Variants in KCNH7 observed in about 807,000 individuals in gnomAD.
The protein encoded by KCNH7 is voltage-gated inwardly rectifying potassium channel KCNH7.
In KCNH7, 49 loss-of-function variants were observed where a neutral mutation model predicts 120.8. The ratio of observed to expected loss-of-function variants is 0.41; its 90% CI spans 0.32 to 0.51. KCNH7 has a LOEUF of 0.51. Among genes scored for constraint, KCNH7 ranks in the 20% least tolerant of loss-of-function variants. KCNH7 has a pLI of 0.38. For synonymous variants in KCNH7, 547 were observed against 516.1 expected, an observed-to-expected ratio of 1.06 and a Z score of -0.81; for missense variants, 1,097 against 1,446.6, an observed-to-expected ratio of 0.76 and a Z score of 3.92.
intron 2 of KCNH7, among the ~76,000 whole-genome samples, chr2:162,632,491 A>G (rs892029268): frequency 6.6e-6 from 1 of 151,944 alleles, no homozygotes; most frequent in African/African-American, 2.4e-5. Context: ...TCAACATTAT[A>G]TTTATAGAAC....
At chr2:162,620,659 A>C in intron 2 of KCNH7, among the ~76,000 whole-genome samples, 1 of 152,058 alleles carries the variant, frequency 6.6e-6, no homozygotes, top group East Asian at 1.9e-4. Flanking sequence ...AATTCTGCCA[A>C]TTATCTTTTT....
intron 6 of KCNH7, among the ~76,000 whole-genome samples, chr2:162,470,322 C>T (rs992262596): frequency 2.0e-5 from 3 of 151,688 alleles, no homozygotes; most frequent in Non-Finnish European, 2.9e-5. Context: ...CCCTAGTGCC[C>T]TGTCTGGGAT....
chr2:162,750,993 C>T (rs1342162324), intron 2 of KCNH7, among the ~76,000 whole-genome samples: 1 of 151,940 alleles, frequency 6.6e-6, no homozygotes, highest in Non-Finnish European at 1.5e-5. Flanking sequence ...GACTAGTTCC[C>T]TTATATTCAA....
At position 162,560,211 on chromosome 2, in the gene KCNH7, G is replaced by C. The variant is rs531949688; in HGVS notation, c.308-23131C>G. 4.6e-5 allele frequency among the ~76,000 whole-genome samples: 7 copies of C among 152,294 alleles called. No homozygotes were observed. The South Asian group carries it at 1.5e-3, about 32-fold the overall frequency. On this transcript the variant is annotated intron_variant, in intron 2 of 15. Coordinates refer to ENST00000332142, the MANE Select transcript of KCNH7 (RefSeq NM_033272.4). ...CAAAATTTATTAACCGAGGAAACAA[G>C]TTTTTCCTCTGTGTCTGGAAGTTAT... is the stretch of plus-strand genomic sequence containing the variant.
At chr2:162,701,447 C>A in intron 2 of KCNH7, among the ~76,000 whole-genome samples, 1 of 152,050 alleles carries the variant, frequency 6.6e-6, no homozygotes, top group Admixed American at 6.6e-5. Flanking sequence ...TATCTCAGTT[C>A]AAATCCATTT....
chr2:162,609,050 A>G (rs1170101971), intron 2 of KCNH7, among the ~76,000 whole-genome samples: 1 of 152,160 alleles, frequency 6.6e-6, no homozygotes, highest in Non-Finnish European at 1.5e-5. Context: ...AGACACCGCC[A>G]GCCCCCCAAC....
At chr2:162,830,087 A>G (rs1685421634) in intron 2 of KCNH7, among the ~76,000 whole-genome samples, 1 of 152,184 alleles carries the variant, frequency 6.6e-6, no homozygotes, top group Non-Finnish European at 1.5e-5. Flanking sequence ...ACCAAGTGCT[A>G]TGAGGAGACA....
At chr2:162,812,082 A>T (rs1243174706) in intron 2 of KCNH7, among the ~76,000 whole-genome samples, 1 of 152,172 alleles carries the variant, frequency 6.6e-6, no homozygotes, top group African/African-American at 2.4e-5. Flanking sequence ...GCACATGTGC[A>T]CACACACTAA....
chr2:162,681,810 A>ATTTTT (rs71410025), intron 2 of KCNH7, among the ~76,000 whole-genome samples: 1 of 141,194 alleles, frequency 7.1e-6, no homozygotes. Context: ...GGGGTCTGTG[A>ATTTTT]TTTTTTTTTT....
At chr2:162,387,232 ACTAGATAAATTAAAGCTTCATTTT>A in intron 12 of KCNH7, among the ~76,000 whole-genome samples, 1 of 148,932 alleles carries the variant, frequency 6.7e-6, no homozygotes, top group Admixed American at 6.8e-5. Context: ...TCCATTCCAT[ACTAGATAAATTAAAGCTTCATTTT>A]CTGTCACATA....
intron 9 of KCNH7, among the ~76,000 whole-genome samples, chr2:162,411,305 C>G (rs1488084224): frequency 1.3e-5 from 2 of 152,194 alleles, no homozygotes; most frequent in Admixed American, 1.3e-4. Flanking sequence ...ATGTCCTTTG[C>G]AGCAACATGG....
intron 3 of KCNH7, among the ~76,000 whole-genome samples, chr2:162,518,815 T>G (rs1275977170): frequency 6.6e-6 from 1 of 150,594 alleles, no homozygotes; most frequent in African/African-American, 2.4e-5. Flanking sequence ...TTTCTGTTTT[T>G]TTTTTTTTTT....
intron 3 of KCNH7, among the ~76,000 whole-genome samples, chr2:162,533,411 C>T (rs923340120): frequency 8.6e-5 from 13 of 151,388 alleles, no homozygotes; most frequent in Non-Finnish European, 1.5e-4. Flanking sequence ...CTTCACATTG[C>T]ATAAAAACAG....
intron 6 of KCNH7, among the ~76,000 whole-genome samples, chr2:162,462,866 T>C (rs1310949834): frequency 6.6e-6 from 1 of 152,070 alleles, no homozygotes; most frequent in Non-Finnish European, 1.5e-5. Context: ...TTATATCCCA[T>C]AAATATACAT....
chr2:162,473,931 T>C (rs1051951361), intron 6 of KCNH7, among the ~76,000 whole-genome samples: 1 of 152,226 alleles, frequency 6.6e-6, no homozygotes, highest in African/African-American at 2.4e-5. Context: ...TAAAGACAGC[T>C]TTGTAAGAGG....
chr2:162,457,428 G>A (rs1302332704), intron 6 of KCNH7, among the ~76,000 whole-genome samples: 1 of 152,148 alleles, frequency 6.6e-6, no homozygotes, highest in Non-Finnish European at 1.5e-5. Flanking sequence ...ATACAGTTTA[G>A]TACAGCCTAA....
chr2:162,492,501 C>G (rs1574024485), intron 6 of KCNH7, among the ~76,000 whole-genome samples: 1 of 152,110 alleles, frequency 6.6e-6, no homozygotes, highest in African/African-American at 2.4e-5. Context: ...TGACTTTTTA[C>G]CATTTGGTGA....
chr2:162,798,971 G>T (rs562726628), intron 2 of KCNH7, among the ~76,000 whole-genome samples: 24 of 151,968 alleles, frequency 1.6e-4, no homozygotes, highest in African/African-American at 5.8e-4. Context: ...GTACATTTTG[G>T]ATTGGCTAAT....
At chr2:162,392,191 C>A (rs991136815) in intron 12 of KCNH7, among the ~76,000 whole-genome samples, 8 of 151,834 alleles carry the variant, frequency 5.3e-5, no homozygotes, top group Admixed American at 1.3e-4. Context: ...GCTCAAGAAA[C>A]AATTCACATT....
Sources: gnomAD v4.1 joint callset for allele counts (sites outside exome capture counted in the v4.1 genomes callset) on GRCh38, gnomAD v4.1.1 for gene constraint, MANE v1.5 for transcripts, NCBI Gene and HGNC (gene_info 2026-07-23, HGNC 2026-07-21) for gene names.